The following PBX1 variants were observed in gnomAD, a reference collection of about 807,000 sequenced individuals.
PBX1 encodes pre-B-cell leukemia transcription factor 1.
A neutral mutation model predicts 53.4 loss-of-function variants in PBX1; 6 were observed. The ratio of observed to expected loss-of-function variants is 0.11; its 90% CI spans 0.06 to 0.22. PBX1 has a LOEUF of 0.22. Ranked by LOEUF, PBX1 falls within the 10% of genes least tolerant of loss-of-function variation. PBX1 has a pLI of 1.00. For missense variants in PBX1, 251 were observed against 551.4 expected (o/e 0.46, Z 5.46); for synonymous variants, 204 against 212.3 (o/e 0.96, Z 0.34).
intron 2 of PBX1, among the ~76,000 whole-genome samples, chr1:164,768,721 C>T (rs1667204380): frequency 1.3e-5 from 2 of 152,188 alleles, no homozygotes; most frequent in Admixed American, 6.5e-5. Context: ...ATCTCCCCAC[C>T]ATGGACCTGG....
At chr1:164,664,593 A>G (rs1660697829) in intron 2 of PBX1, among the ~76,000 whole-genome samples, 1 of 152,200 alleles carries the variant, frequency 6.6e-6, no homozygotes, top group African/African-American at 2.4e-5. Context: ...ATCATTCTGC[A>G]TTATTCTGGT....
chr1:164,586,005 A>G (rs553481423), intron 2 of PBX1, among the ~76,000 whole-genome samples: 13 of 152,310 alleles, frequency 8.5e-5, no homozygotes, highest in Non-Finnish European at 1.5e-4. Context: ...TTTTTCCAGG[A>G]GTACTTAGTA....
intron 2 of PBX1, among the ~76,000 whole-genome samples, chr1:164,689,265 C>T (rs1377666617): frequency 6.6e-6 from 1 of 152,036 alleles, no homozygotes; most frequent in African/African-American, 2.4e-5. Context: ...TCTGTTAATT[C>T]TTGGCAAATA....
At chr1:164,571,940 G>C (rs1476999007) in intron 2 of PBX1, among the ~76,000 whole-genome samples, 3 of 103,276 alleles carry the variant, frequency 2.9e-5, no homozygotes, top group Non-Finnish European at 5.5e-5. Context: ...TTTTTAAGAT[G>C]GTGTGTCCCA....
chr1:164,696,014 G>C (rs1262450672), intron 2 of PBX1, among the ~76,000 whole-genome samples: 1 of 152,194 alleles, frequency 6.6e-6, no homozygotes, highest in Non-Finnish European at 1.5e-5. Flanking sequence ...TAGGCAAAGT[G>C]AGGCCCATGT....
chr1:164,653,729 C>T (rs1286726698), intron 2 of PBX1, among the ~76,000 whole-genome samples: 3 of 152,172 alleles, frequency 2.0e-5, no homozygotes, highest in Non-Finnish European at 4.4e-5. Context: ...AAGATGGTGC[C>T]ACTGCACTCC....
chr1:164,671,765 T>G (rs7515566), intron 2 of PBX1, among the ~76,000 whole-genome samples: 6,878 of 152,140 alleles, frequency 0.045, 286 homozygotes, highest in African/African-American at 0.11. Flanking sequence ...ATAGAAAGCC[T>G]CTGCGCCTTT....
intron 2 of PBX1, among the ~76,000 whole-genome samples, chr1:164,615,167 A>T (rs1657186543): frequency 6.6e-6 from 1 of 152,180 alleles, no homozygotes; most frequent in Non-Finnish European, 1.5e-5. Flanking sequence ...GAGTCAAAGG[A>T]AGTTTATGGA....
intron 8 of PBX1, among the ~76,000 whole-genome samples, chr1:164,826,926 A>G (rs1365393924): frequency 6.6e-6 from 1 of 152,246 alleles, no homozygotes; most frequent in African/African-American, 2.4e-5. Context: ...TAGTAATAGA[A>G]AAATAGAGAT....
At chr1:164,655,352 A>G (rs936646632) in intron 2 of PBX1, among the ~76,000 whole-genome samples, 3 of 152,002 alleles carry the variant, frequency 2.0e-5, no homozygotes, top group African/African-American at 7.2e-5. Context: ...ACCTCAGGTG[A>G]TTTGCCCACC....
intron 2 of PBX1, among the ~76,000 whole-genome samples, chr1:164,637,729 A>G (rs1658865361): frequency 6.6e-6 from 1 of 152,198 alleles, no homozygotes; most frequent in African/African-American, 2.4e-5. Flanking sequence ...AAGAAACATC[A>G]CCATTCAAGG....
At chr1:164,809,119 A>G (rs544435134) in intron 5 of PBX1, among the ~76,000 whole-genome samples, 12 of 152,346 alleles carry the variant, frequency 7.9e-5, no homozygotes, top group South Asian at 4.1e-4. Flanking sequence ...ACTGAATTTT[A>G]TCATGGAACC....
intron 2 of PBX1, chr1:164,641,471 C>G (rs1234286628): frequency 6.5e-6 from 1 of 153,060 alleles, no homozygotes; most frequent in Non-Finnish European, 1.5e-5. Flanking sequence ...GCTGAAATGA[C>G]TCATCTTCCC....
At chr1:164,601,611 C>A (rs1226807111) in intron 2 of PBX1, among the ~76,000 whole-genome samples, 1 of 152,128 alleles carries the variant, frequency 6.6e-6, no homozygotes, top group African/African-American at 2.4e-5. Flanking sequence ...GCAGGAGGGT[C>A]TTAATTTTGG....
chr1:164,708,252 A>G (rs115178606), intron 2 of PBX1, among the ~76,000 whole-genome samples: 13 of 152,296 alleles, frequency 8.5e-5, no homozygotes, highest in Middle Eastern at 3.4e-3. Context: ...GAGGTTGACT[A>G]CTGTAGTAGC....
intron 2 of PBX1, chr1:164,625,848 T>C: frequency 1.5e-6 from 1 of 678,316 alleles, no homozygotes; most frequent in Non-Finnish European, 1.9e-6. Flanking sequence ...TTACATGAAT[T>C]ATCCCATTCC....
chr1:164,561,936 A>G (rs568196539), intron 1 of PBX1, among the ~76,000 whole-genome samples: 1 of 152,226 alleles, frequency 6.6e-6, no homozygotes, highest in African/African-American at 2.4e-5. Flanking sequence ...TTAATACTTT[A>G]AAGTATTTTC....
chr1:164,711,484 C>A (rs1478524101), intron 2 of PBX1, among the ~76,000 whole-genome samples: 2 of 152,180 alleles, frequency 1.3e-5, no homozygotes, highest in African/African-American at 4.8e-5. Flanking sequence ...ATGATGGTCT[C>A]GATCTCCTGA....
At chr1:164,884,652 A>G in intron 2 of PBX1, 1 of 431,420 alleles carries the variant, frequency 2.3e-6, no homozygotes, top group Non-Finnish European at 4.5e-6. Flanking sequence ...TCTCTTCCGG[A>G]ATGACACATA....
Sources: allele counts gnomAD v4.1 joint callset (sites outside exome capture counted in the v4.1 genomes callset), GRCh38; gene constraint gnomAD v4.1.1; transcripts MANE v1.5; gene names NCBI Gene and HGNC (gene_info 2026-07-23, HGNC 2026-07-21).